Variants in OTOGL observed in about 807,000 individuals in gnomAD.
OTOGL encodes the protein otogelin-like protein.
OTOGL carries 285 observed loss-of-function variants against 318.5 expected under a neutral mutation model. The ratio of observed to expected loss-of-function variants is 0.89; its 90% CI spans 0.81 to 0.99. The LOEUF (loss-of-function observed/expected upper bound fraction) is 0.99, where lower values mean the gene tolerates loss of function less well. OTOGL is among the 50% of genes least tolerant of loss of function. The pLI is 0.00. For synonymous variants in OTOGL, 987 were observed against 936.5 expected, an observed-to-expected ratio of 1.05 and a Z score of -0.99; for missense variants, 2,899 against 2,845.6, an observed-to-expected ratio of 1.02 and a Z score of -0.43.
chr12:80,191,263 C>T (rs1875676289), intron 1 of OTOGL, among the ~76,000 whole-genome samples: 1 of 152,152 alleles, frequency 6.6e-6, no homozygotes, highest in African/African-American at 2.4e-5. Flanking sequence ...TATGGCCAAA[C>T]CCCGTCTCTA....
chr12:80,271,294 C>G (rs1354975296), intron 23 of OTOGL, among the ~76,000 whole-genome samples: 1 of 152,078 alleles, frequency 6.6e-6, no homozygotes, highest in African/African-American at 2.4e-5. Context: ...ATGTCTACTT[C>G]TGCACTTCTG....
chr12:80,146,530 G>T (rs955739380), intron 1 of OTOGL, among the ~76,000 whole-genome samples: 2 of 150,624 alleles, frequency 1.3e-5, no homozygotes, highest in Non-Finnish European at 1.5e-5. Flanking sequence ...TTTTTTGGTT[G>T]TGTCTCTGCC....
At chr12:80,100,426 T>C (rs1869069684) in intron 1 of OTOGL, among the ~76,000 whole-genome samples, 1 of 152,146 alleles carries the variant, frequency 6.6e-6, no homozygotes. Context: ...TATCTAAATA[T>C]CATATGTACC....
At chr12:80,132,148 A>T (rs1468472869) in intron 1 of OTOGL, 1 of 152,220 alleles carries the variant, frequency 6.6e-6, no homozygotes, top group Non-Finnish European at 1.5e-5. Flanking sequence ...GGGTTTGAGA[A>T]GTACTGACCT....
chr12:80,376,878 A>C (rs906112035), intron 57 of OTOGL, among the ~76,000 whole-genome samples: 9 of 152,126 alleles, frequency 5.9e-5, no homozygotes, highest in Non-Finnish European at 1.3e-4. Context: ...AATTATTCTA[A>C]GACAATAAGA....
chr12:80,359,120 A>T (rs997891595), intron 52 of OTOGL, among the ~76,000 whole-genome samples: 3 of 152,182 alleles, frequency 2.0e-5, no homozygotes, highest in Non-Finnish European at 2.9e-5. Flanking sequence ...TTAACTGCTG[A>T]TAGAATCTGC....
chr12:80,251,955 T>TA (rs1881595246), intron 12 of OTOGL, 121 bp from the exon 13 acceptor site: 2 of 1,126,898 alleles, frequency 1.8e-6, no homozygotes, highest in African/African-American at 3.9e-5. Flanking sequence ...AAGTATGCAA[T>TA]TTTTTTGCAA....
In OTOGL at chr12:80,232,951, T is replaced by C; in HGVS notation, c.671T>C (p.Leu224Pro). The change falls in exon 9 of 59, where the codon CTT (leucine) becomes CCT (proline). Residue 224 changes from leucine to proline, a missense_variant. Leu to Pro is a moderately conservative substitution (Grantham distance 98). Around this residue, in one of 3 missense-constraint regions of OTOGL, gnomAD observed 2,607 missense variants for 2,524.9 expected, o/e 1.03. Transcript: ENST00000547103. ...ATTGAGAAACTAGCTGACTACATTC[T>C]TGTGAAAACAACCTTTGGCTTTTCA... ...IFIEKLADYI[L>P]VKTTFGFSLA... 2 of 1,599,320 alleles carry C rather than the reference T, an allele frequency of 1.3e-6. No homozygotes were observed. Among genetic ancestry groups the C allele is most frequent in the South Asian group, 1.1e-5 (1 of 91,076 alleles).
In OTOGL at chr12:80,336,936, CTTTGT is replaced by C. The variant is rs774986118; in HGVS notation, c.4796_4800del (p.Cys1599Ter). ...GGCTCCCTCTGGAAGAATCTCTGGA[CTTTGT>C]TTTAAGAAGTTAAATGTGACAACAC... On this transcript the variant is annotated frameshift_variant, in exon 42 of 59. Transcript: ENST00000547103. LOFTEE classifies it high-confidence loss of function. 11 of 1,592,610 alleles carry C rather than the reference CTTTGT, an allele frequency of 6.9e-6. No homozygotes were observed. Among genetic ancestry groups the C allele is most frequent in the East Asian group, 2.3e-5 (1 of 44,286 alleles).
At chr12:80,358,799 G>C (rs145638715) in intron 51 of OTOGL, 24 bp downstream of exon 51, 1 of 1,576,642 alleles carries the variant, frequency 6.3e-7, no homozygotes. Flanking sequence ...ATATTTTAAG[G>C]TTTCATTATA....
chr12:80,112,705 C>CT (rs546093754), intron 1 of OTOGL, among the ~76,000 whole-genome samples: 25,023 of 128,250 alleles, frequency 0.2, 2,455 homozygotes, highest in Middle Eastern at 0.26. Context: ...CTGAAATTTT[C>CT]TTTCTTTTTT....
intron 35 of OTOGL, 70 bp downstream of exon 35, chr12:80,323,910 C>A: frequency 8.0e-7 from 1 of 1,245,268 alleles, no homozygotes; most frequent in Non-Finnish European, 1.2e-6. Context: ...TGATTTTTTT[C>A]AAGATTTTAA....
intron 24 of OTOGL, 103 bp downstream of exon 24, chr12:80,271,913 T>C: frequency 7.4e-7 from 1 of 1,343,200 alleles, no homozygotes; most frequent in Non-Finnish European, 1.0e-6. Context: ...TTGTTCTGAC[T>C]AGTGGTTAAC....
At chr12:80,169,642 C>T (rs907400968) in intron 1 of OTOGL, among the ~76,000 whole-genome samples, 6 of 152,212 alleles carry the variant, frequency 3.9e-5, no homozygotes, top group Admixed American at 6.5e-5. Context: ...TTTTGTCACC[C>T]CCAAATCTTT....
chr12:80,270,117 G>A lies in OTOGL; in HGVS notation c.2481G>A (p.Gly827=). ...TPSGLCQCSN[G]TVKCDELATP... is the part of the protein sequence containing the mutation. ...TTACTTCTAGCCAGTGTTCAAATGG[G>A]ACTGTGAAATGTGATGAATTAGCAA... Residue 827 remains glycine, a synonymous_variant, in exon 23 of 59, where the codon GGG becomes GGA. Transcript: ENST00000547103. 6.2e-7 allele frequency: 1 copy of A among 1,603,158 alleles called. No homozygotes were observed. Among genetic ancestry groups the A allele is most frequent in the Non-Finnish European group, 8.5e-7 (1 of 1,170,938 alleles).
Position 80,198,549 on chromosome 12 carries a change from A to G in OTOGL, c.-19-10864A>G, listed in dbSNP as rs531161558. Among the ~76,000 whole-genome samples, 12 of 152,274 alleles carry G rather than the reference A, an allele frequency of 7.9e-5. No individual in the cohort carries two copies. The South Asian group carries it at 2.5e-3, about 32-fold the overall frequency. Reference sequence around the variant, plus strand: ...CAGTGAGCCGAGATCATGCTACTGCATTCCAGCTTGGCGACAGAGCAAGAC... The same window carrying G: ...CAGTGAGCCGAGATCATGCTACTGCGTTCCAGCTTGGCGACAGAGCAAGAC... On this transcript the variant is annotated intron_variant, in intron 1 of 58. Coordinates refer to ENST00000547103, the MANE Select transcript of OTOGL (RefSeq NM_001378609.3).
intron 16 of OTOGL, among the ~76,000 whole-genome samples, chr12:80,255,736 T>C (rs754171056): frequency 6.6e-6 from 1 of 151,910 alleles, no homozygotes; most frequent in African/African-American, 2.4e-5. Flanking sequence ...GAAATCTAGG[T>C]CTTTCATTCA....
intron 38 of OTOGL, among the ~76,000 whole-genome samples, chr12:80,333,870 T>C (rs1193196508): frequency 6.6e-6 from 1 of 152,136 alleles, no homozygotes; most frequent in Non-Finnish European, 1.5e-5. Flanking sequence ...TGCAAAGGCC[T>C]TGAGGCAAGA....
At chr12:80,333,963 T>C (rs991921235) in intron 38 of OTOGL, among the ~76,000 whole-genome samples, 3 of 152,170 alleles carry the variant, frequency 2.0e-5, no homozygotes, top group Admixed American at 6.5e-5. Context: ...GTAGATTATG[T>C]TAGACCTTGT....
Sources: allele counts gnomAD v4.1 joint callset (sites outside exome capture counted in the v4.1 genomes callset), GRCh38; gene constraint gnomAD v4.1.1; regional missense constraint gnomAD v4.1.1; transcripts MANE v1.5; gene names NCBI Gene and HGNC (gene_info 2026-07-23, HGNC 2026-07-21).